SLC45A1: variants seen among roughly 807,000 people sequenced by gnomAD.
SLC45A1 encodes the protein proton-associated sugar transporter A.
SLC45A1 carries 28 observed loss-of-function variants against 57.6 expected under a neutral mutation model. That is an observed-to-expected ratio of 0.49 (90% CI 0.36 to 0.67). SLC45A1 has a LOEUF of 0.67. Among genes scored for constraint, SLC45A1 ranks in the 30% least tolerant of loss-of-function variants. SLC45A1 has a pLI of 0.00. For synonymous variants in SLC45A1, 459 were observed against 471.5 expected, an observed-to-expected ratio of 0.97 and a Z score of 0.34; for missense variants, 814 against 1,041.5, an observed-to-expected ratio of 0.78 and a Z score of 3.01.
chr1:8,343,974 T>C lies in SLC45A1; in HGVS notation c.2208T>C (p.Ala736=). 6.2e-7 allele frequency: 1 copy of C among 1,613,574 alleles called. No homozygotes were observed. The highest frequency in any genetic ancestry group is 8.5e-7 in the Non-Finnish European group (1 of 1,179,778). ...FVIYEIPPSD[A]ADEEHRPLLL... ...TTTATGAAATTCCTCCCAGCGACGCTGCAGACGAGGAGCACCGGCCCCTCC... is the reference window on the plus strand; with the variant it reads ...TTTATGAAATTCCTCCCAGCGACGCCGCAGACGAGGAGCACCGGCCCCTCC... The change falls in exon 9 of 9, where the codon GCT becomes GCC. Residue 736 remains alanine (A), a synonymous_variant. Coordinates refer to ENST00000471889, the MANE Select transcript of SLC45A1 (RefSeq NM_001080397.3). This position sits in a 1 kb window ranked among gnomAD's most constrained non-coding sequence, Gnocchi z 7.7.
Position 8,343,631 on chromosome 1 carries a change from G to A in SLC45A1, c.1981-116G>A, listed in dbSNP as rs1236841285. 3 of 1,137,506 alleles carry A rather than the reference G, an allele frequency of 2.6e-6. No homozygotes were observed. The highest frequency in any genetic ancestry group is 4.6e-5 in the Admixed American group (2 of 43,530). 70.5% of individuals were successfully genotyped at this position (1,137,506 alleles called of 1,614,324 possible). ...CCTGTGCATGTTGGCGCTGAAAAAT[G>A]TGAGGCCGCTGTGTGTGGGCCGCTC... On this transcript the variant is annotated intron_variant, in intron 8 of 8. Transcript: ENST00000471889. The surrounding 1 kb of genome is among the most constrained non-coding windows in gnomAD (Gnocchi z 7.7).
At chr1:8,342,891 CCT>C (rs1162386553) in intron 8 of SLC45A1, among the ~76,000 whole-genome samples, 1 of 86,246 alleles carries the variant, frequency 1.2e-5, no homozygotes, top group Non-Finnish European at 2.4e-5. Flanking sequence ...AGAGCAAGAC[CCT>C]GTCTCAAAAA....
Position 8,335,829 on chromosome 1 carries a change from C to T in SLC45A1, c.1597+239C>T, listed in dbSNP as rs1640593981. 6.6e-6 allele frequency among the ~76,000 whole-genome samples: 1 copy of T among 152,194 alleles called. No individual in the cohort carries two copies. Among genetic ancestry groups the T allele is most frequent in the Non-Finnish European group, 1.5e-5 (1 of 68,034 alleles). On this transcript the variant is annotated intron_variant, in intron 6 of 8. Coordinates refer to ENST00000471889, the MANE Select transcript of SLC45A1 (RefSeq NM_001080397.3). The surrounding 1 kb of genome is among the most constrained non-coding windows in gnomAD (Gnocchi z 4.1). The stretch of plus-strand genomic sequence containing the variant: ...GGTGTCACCATTGAGAGCCACATAG[C>T]TCACTCTGGGCCCGACACCTGGGTC...
rs113830189 is a variant in SLC45A1, at chr1:8,323,850, T to C, written c.-24-456T>C. On this transcript the variant is annotated intron_variant, in intron 1 of 8. Transcript: ENST00000471889. Reference sequence around the variant, plus strand: ...CTGTCCCCGCAACGCGAGGAAGCACTCAGGGTGCCGGGGGGGTGGTTCCTA... The same window carrying C: ...CTGTCCCCGCAACGCGAGGAAGCACCCAGGGTGCCGGGGGGGTGGTTCCTA... Among the ~76,000 whole-genome samples the C allele has an allele frequency of 7.5e-4, 114 of 152,148 alleles. 2 individuals are homozygous for C. The highest frequency in any genetic ancestry group is 2.7e-3 in the African/African-American group (111 of 41,474).
At position 8,343,881 on chromosome 1, in the gene SLC45A1, C is replaced by G; in HGVS notation, c.2115C>G (p.Ala705=). The change falls in exon 9 of 9, where the codon GCC becomes GCG. Residue 705 remains alanine, a synonymous_variant. Coordinates refer to ENST00000471889, the MANE Select transcript of SLC45A1 (RefSeq NM_001080397.3). The surrounding 1 kb of genome is among the most constrained non-coding windows in gnomAD (Gnocchi z 7.7). The part of the protein sequence containing the change: ...LGPLTSAVGS[A]NGVMYFSSLV... ...CCCTGACCTCGGCCGTGGGCAGTGC[C>G]AACGGGGTGATGTACTTCTCCAGCC... 2 of 1,614,150 alleles carry G rather than the reference C, an allele frequency of 1.2e-6. No individual in the cohort carries two copies. Among genetic ancestry groups the G allele is most frequent in the African/African-American group, 1.3e-5 (1 of 75,036 alleles).
chr1:8,322,026 GATGGGTGA>G (rs1640028576), intron 1 of SLC45A1, among the ~76,000 whole-genome samples: 1 of 117,218 alleles, frequency 8.5e-6, no homozygotes, highest in Admixed American at 8.5e-5. Context: ...TGGATGGATG[GATGGGTGA>G]GTGGGTGGGT....
chr1:8,330,824 A>G lies in SLC45A1; in HGVS notation c.1331A>G (p.Lys444Arg). The G allele has an allele frequency of 6.2e-7, 1 of 1,613,492 alleles. No homozygotes were observed. The highest frequency in any genetic ancestry group is 8.5e-7 in the Non-Finnish European group (1 of 1,180,038). The change falls in exon 5 of 9, where the codon AAG (lysine) becomes AGG (arginine). Residue 444 changes from lysine to arginine, a missense_variant. Coordinates refer to ENST00000471889, the MANE Select transcript of SLC45A1 (RefSeq NM_001080397.3). The surrounding 1 kb of genome is among the most constrained non-coding windows in gnomAD (Gnocchi z 8.4). The stretch of plus-strand genomic sequence containing the variant: ...AGGGTGGGCTCCTTGGACACCTCTA[A>G]GCCGAGGTCATCAGGGATTCTGAAG... ...ILRVGSLDTS[K>R]PRSSGILKRP...
In SLC45A1 at chr1:8,326,014, A is replaced by C. The variant is rs1225002683; in HGVS notation, c.687A>C (p.Arg229=). 2 of 1,606,084 alleles carry C rather than the reference A, an allele frequency of 1.2e-6. No individual in the cohort carries two copies. Among genetic ancestry groups the C allele is most frequent in the African/African-American group, 2.7e-5 (2 of 74,940 alleles). The change falls in exon 4 of 9, where the codon CGA becomes CGC. Residue 229 remains arginine (R), a synonymous_variant. Transcript: ENST00000471889. This position sits in a 1 kb window ranked among gnomAD's most constrained non-coding sequence, Gnocchi z 5.5. ...MDVCSPADQD[R]GLNIHALLAG... ...TGTGCAGCCCCGCAGACCAGGACCG[A>C]GGCCTGAACATCCACGCCCTCCTGG...
At position 8,343,909 on chromosome 1, in the gene SLC45A1, G is replaced by A. The variant is rs1396836885; in HGVS notation, c.2143G>A (p.Val715Met). ...CGGGGTGATGTACTTCTCCAGCCTC[G>A]TGTCCTTCCTGGGCTGCCTGTACTC... is the stretch of plus-strand genomic sequence containing the variant. ...ANGVMYFSSL[V>M]SFLGCLYSSL... Residue 715 changes from valine (V) to methionine (M), a missense_variant, in exon 9 of 9, where the codon GTG becomes ATG. Val to Met is a conservative substitution (Grantham distance 21, BLOSUM62 1). Transcript: ENST00000471889. The surrounding 1 kb of genome is among the most constrained non-coding windows in gnomAD (Gnocchi z 7.7). 17 of 1,614,030 alleles carry A rather than the reference G, an allele frequency of 1.1e-5. No homozygotes were observed. Among genetic ancestry groups the A allele is most frequent in the Admixed American group, 5.0e-5 (3 of 59,998 alleles).
intron 5 of SLC45A1, among the ~76,000 whole-genome samples, chr1:8,334,568 T>C (rs896071426): frequency 1.3e-5 from 2 of 152,070 alleles, no homozygotes; most frequent in African/African-American, 4.8e-5. Context: ...CCAGGTGTGG[T>C]GGTGCTCGCC....
intron 1 of SLC45A1, among the ~76,000 whole-genome samples, chr1:8,320,984 T>C (rs1230608846): frequency 2.0e-5 from 3 of 152,128 alleles, no homozygotes; most frequent in African/African-American, 7.2e-5. Context: ...ACCGTCCACC[T>C]CACCTGTGCT....
In SLC45A1 at chr1:8,322,902, T is replaced by C. The variant is rs115960538; in HGVS notation, c.-24-1404T>C. Among the ~76,000 whole-genome samples the C allele has an allele frequency of 6.4e-3, 977 of 152,300 alleles. 6 individuals are homozygous for C. The highest frequency in any genetic ancestry group is 0.022 in the African/African-American group (926 of 41,558). On this transcript the variant is annotated intron_variant, in intron 1 of 8. Coordinates refer to ENST00000471889, the MANE Select transcript of SLC45A1 (RefSeq NM_001080397.3). ...CCACCCCCTCTGTTATGTTGGTATC[T>C]GTCTCTTTCCCTCTGATCTGAGCAG...
Position 8,324,496 on chromosome 1 carries a change from T to C in SLC45A1, c.167T>C (p.Ile56Thr), listed in dbSNP as rs141816307. ...CGACACCCCAAGAGGAGGAAGTGCA[T>C]TCGTCCCTCCCCACCCCCGCCCCCC... ...FKRHPKRRKCIRPSPPPPPNT... is the reference protein window; with the variant it reads ...FKRHPKRRKCTRPSPPPPPNT... The change falls in exon 2 of 9, where the codon ATT becomes ACT. Residue 56 changes from isoleucine to threonine, a missense_variant. Physicochemically the swap from Ile to Thr is moderately conservative, Grantham distance 89. Transcript: ENST00000471889. The C allele has an allele frequency of 3.8e-5, 61 of 1,612,148 alleles. No individual in the cohort carries two copies. In the Middle Eastern group the frequency reaches 4.9e-4, roughly 13 times the overall value.
In SLC45A1 at chr1:8,344,067, G is replaced by C. The variant is rs1323569320; in HGVS notation, c.*54G>C. On this transcript the variant is annotated 3_prime_UTR_variant, in exon 9 of 9. Transcript: ENST00000471889. ...GCCTGCACCTGGGGGTCTGGAGCAG[G>C]CCGACCAGTGAGGACCAAAGGGCCT... The C allele has an allele frequency of 5.2e-6, 8 of 1,541,800 alleles. No individual in the cohort carries two copies. Among genetic ancestry groups the C allele is most frequent in the Non-Finnish European group, 4.4e-6 (5 of 1,140,488 alleles).
At chr1:8,338,079 T>TA in intron 7 of SLC45A1, 87 bp downstream of exon 7, 1 of 1,274,030 alleles carries the variant, frequency 7.8e-7, no homozygotes, top group South Asian at 1.4e-5. Context: ...TTCATGGCCT[T>TA]ACGATTGCAG....
rs199740011 is a variant in SLC45A1 at position 8,339,601 on chromosome 1, A to G, written c.1883A>G (p.Tyr628Cys). 52 of 1,614,056 alleles carry G rather than the reference A, an allele frequency of 3.2e-5. No individual in the cohort carries two copies. In the East Asian group the frequency reaches 7.1e-4, roughly 22 times the overall value. Residue 628 changes from tyrosine to cysteine, a missense_variant, in exon 8 of 9, where the codon TAC becomes TGC. Physicochemically the swap from Tyr to Cys is radical, Grantham distance 194. Transcript: ENST00000471889. ...TGLATLSRNLYVVLSLCITYG... is the reference protein window; with the variant it reads ...TGLATLSRNLCVVLSLCITYG... ...CTTGCCACCCTCTCCAGGAACCTCT[A>G]CGTGGTCCTGTCGCTCTGCATAACC...
intron 1 of SLC45A1, among the ~76,000 whole-genome samples, chr1:8,322,686 G>A (rs1640070545): frequency 6.6e-6 from 1 of 152,150 alleles, no homozygotes; most frequent in African/African-American, 2.4e-5. Context: ...TACTTTTGAA[G>A]CTTAAAACTA....
intron 8 of SLC45A1, 106 bp downstream of exon 8, chr1:8,339,804 T>A: frequency 3.6e-6 from 4 of 1,102,006 alleles, no homozygotes; most frequent in Non-Finnish European, 5.5e-6. Flanking sequence ...CGGTGCAAAA[T>A]GTCAAGACAG....
rs1272731196 is a variant in SLC45A1, at chr1:8,327,611, A to G, written c.715+1569A>G. On this transcript the variant is annotated intron_variant, in intron 4 of 8. Transcript: ENST00000471889. The surrounding 1 kb of genome is among the most constrained non-coding windows in gnomAD (Gnocchi z 4.3). ...TGCTTGAGTTCAGGAGTTTGAAACC[A>G]GCTTGGGTGAACAGTGAGACCCCAT... Among the ~76,000 whole-genome samples the G allele has an allele frequency of 3.3e-5, 5 of 152,218 alleles. No homozygotes were observed. The highest frequency in any genetic ancestry group is 7.2e-5 in the African/African-American group (3 of 41,458).
Sources: gnomAD v4.1 joint callset for allele counts (sites outside exome capture counted in the v4.1 genomes callset) on GRCh38, gnomAD v4.1.1 for gene constraint, Gnocchi (gnomAD v3.1) non-coding constraint, MANE v1.5 for transcripts, NCBI Gene and HGNC (gene_info 2026-07-23, HGNC 2026-07-21) for gene names.